PRCP: variants seen among roughly 807,000 people sequenced by gnomAD.
PRCP encodes lysosomal Pro-X carboxypeptidase.
In PRCP, 46 loss-of-function variants were observed where a neutral mutation model predicts 54.2. The observed-to-expected ratio is 0.85, with a 90% CI of 0.67 to 1.09. The LOEUF (loss-of-function observed/expected upper bound fraction) is 1.09. PRCP is among the 50% of genes least tolerant of loss of function. The pLI is 0.00. For missense variants in PRCP, 613 were observed against 596.8 expected (o/e 1.03, Z -0.28); for synonymous variants, 240 against 212.2 (o/e 1.13, Z -1.14).
At chr11:82,872,509 C>T (rs1159511552) in intron 1 of PRCP, among the ~76,000 whole-genome samples, 2 of 152,118 alleles carry the variant, frequency 1.3e-5, no homozygotes, top group African/African-American at 2.4e-5. Context: ...CATGTTAAGA[C>T]ACAGATGCAC....
chr11:82,855,337 G>T (rs1859058913), intron 2 of PRCP, among the ~76,000 whole-genome samples: 1 of 152,134 alleles, frequency 6.6e-6, no homozygotes, highest in African/African-American at 2.4e-5. Flanking sequence ...ACAAGAAAAG[G>T]GCCGGGCATG....
chr11:82,875,492 G>A (rs1237517397), intron 1 of PRCP, among the ~76,000 whole-genome samples: 1 of 152,194 alleles, frequency 6.6e-6, no homozygotes, highest in Non-Finnish European at 1.5e-5. Flanking sequence ...ACCTTGAAAG[G>A]TAGAAAAGCT....
intron 3 of PRCP, among the ~76,000 whole-genome samples, chr11:82,851,820 A>G (rs1242819132): frequency 7.9e-5 from 12 of 151,794 alleles, no homozygotes; most frequent in Admixed American, 7.9e-4. Flanking sequence ...CCTATCTCCT[A>G]TATATGCCAC....
At chr11:82,876,531 A>G (rs1859605833) in intron 1 of PRCP, among the ~76,000 whole-genome samples, 1 of 152,176 alleles carries the variant, frequency 6.6e-6, no homozygotes, top group South Asian at 2.1e-4. Context: ...GTGTTGTGGG[A>G]GAGACCGGGG....
intron 6 of PRCP, among the ~76,000 whole-genome samples, chr11:82,847,175 A>C (rs147860265): frequency 6.6e-6 from 1 of 152,358 alleles, no homozygotes; most frequent in African/African-American, 2.4e-5. Context: ...TTATCATCTG[A>C]CAACTCATTC....
rs150010080 is a variant in PRCP, at chr11:82,869,617, C to A, written c.169-9500G>T. Reference sequence around the variant, plus strand: ...GGACTTTTTTCTGTTTTGTCCACTTCTGAGTACACAGTGACTGGAATAAGG... The same window carrying A: ...GGACTTTTTTCTGTTTTGTCCACTTATGAGTACACAGTGACTGGAATAAGG... On this transcript the variant is annotated intron_variant, in intron 1 of 8. Transcript: ENST00000313010. Among the ~76,000 whole-genome samples the A allele has an allele frequency of 7.6e-4, 116 of 152,264 alleles. 1 individual carries two copies. Among genetic ancestry groups the A allele is most frequent in the African/African-American group, 2.7e-3 (112 of 41,550 alleles).
rs200363491 is a variant in PRCP, at chr11:82,862,090, C to CA, written c.169-1974dup. On this transcript the variant is annotated intron_variant, in intron 1 of 8. Coordinates refer to ENST00000313010, the MANE Select transcript of PRCP (RefSeq NM_005040.4). The stretch of plus-strand genomic sequence containing the variant: ...TATTACAAAATCAAAAAAAAAAATC[C>CA]AAAAAAAAATCCAAAATCTGAAATG... Among the ~76,000 whole-genome samples the CA allele has an allele frequency of 1.8e-3, 265 of 149,386 alleles. 3 individuals carry two copies. Among genetic ancestry groups the CA allele is most frequent in the Middle Eastern group, 6.8e-3 (2 of 292 alleles).
In PRCP at chr11:82,900,333, G is replaced by C. The variant is rs1860242182; in HGVS notation, c.70C>G (p.Pro24Ala). Residue 24 changes from proline (P) to alanine (A), a missense_variant, in exon 1 of 9, where the codon CCG becomes GCG. Transcript: ENST00000313010. ...LAPWATIALRPALRALGSLHL... is the reference protein window; with the variant it reads ...LAPWATIALRAALRALGSLHL... ...AGGCTGCCGAGGGCCCTTAAGGCCG[G>C]CCGGAGGGCTATGGTGGCCCAGGGC... The C allele has an allele frequency of 3.1e-6, 5 of 1,614,178 alleles. No individual in the cohort carries two copies. Among genetic ancestry groups the C allele is most frequent in the Non-Finnish European group, 4.2e-6 (5 of 1,180,010 alleles).
At chr11:82,835,519 A>G in intron 8 of PRCP, 1 of 259,564 alleles carries the variant, frequency 3.9e-6, no homozygotes, top group East Asian at 1.2e-4. Context: ...ACGTCCGGGG[A>G]TGAGACAGTT....
intron 1 of PRCP, among the ~76,000 whole-genome samples, chr11:82,876,273 A>G (rs1019169514): frequency 7.9e-5 from 12 of 152,162 alleles, no homozygotes; most frequent in Non-Finnish European, 1.8e-4. Flanking sequence ...TATAAAAGGG[A>G]AAACTAACTT....
At chr11:82,831,516 C>T (rs1858380718) in intron 8 of PRCP, 1 of 152,096 alleles carries the variant, frequency 6.6e-6, no homozygotes, top group African/African-American at 2.4e-5. Flanking sequence ...TTGCCCAAGG[C>T]CACGCAGCTA....
chr11:82,864,737 A>T (rs1048931737), intron 1 of PRCP, among the ~76,000 whole-genome samples: 2 of 151,864 alleles, frequency 1.3e-5, no homozygotes, highest in African/African-American at 4.8e-5. Flanking sequence ...CTTTTTTATA[A>T]TTTTTTTTAT....
At chr11:82,878,103 G>A (rs372080767) in intron 1 of PRCP, among the ~76,000 whole-genome samples, 2 of 152,298 alleles carry the variant, frequency 1.3e-5, no homozygotes, top group East Asian at 3.9e-4. Flanking sequence ...TTTCGGACTT[G>A]CATGGGGCCT....
chr11:82,856,507 C>T (rs1405575784), intron 2 of PRCP, among the ~76,000 whole-genome samples: 2 of 152,092 alleles, frequency 1.3e-5, no homozygotes, highest in African/African-American at 4.8e-5. Context: ...ATAGACACTG[C>T]ATGACTACTA....
intron 6 of PRCP, among the ~76,000 whole-genome samples, chr11:82,844,747 A>AAAAG (rs60498077): frequency 0.025 from 3,449 of 135,754 alleles, 176 homozygotes; most frequent in African/African-American, 0.087. Flanking sequence ...AAAAAAAAAA[A>AAAAG]AAAGAAAGAA....
chr11:82,856,123 T>G (rs928306153), intron 2 of PRCP, among the ~76,000 whole-genome samples: 3 of 152,112 alleles, frequency 2.0e-5, no homozygotes, highest in African/African-American at 4.8e-5. Flanking sequence ...CTGGGCAACA[T>G]AGTGAAACCC....
intron 6 of PRCP, chr11:82,843,165 C>A (rs897170582): frequency 6.6e-6 from 1 of 152,098 alleles, no homozygotes; most frequent in African/African-American, 2.4e-5. Flanking sequence ...AAAACTTAAC[C>A]AGGTGTGATG....
chr11:82,897,549 G>A (rs1309821256), intron 1 of PRCP, among the ~76,000 whole-genome samples: 1 of 152,228 alleles, frequency 6.6e-6, no homozygotes, highest in Non-Finnish European at 1.5e-5. Context: ...AGACATTTCT[G>A]CTGGAATAGA....
chr11:82,849,241 G>T, intron 5 of PRCP, 23 bp from the exon 6 acceptor site: 1 of 1,610,816 alleles, frequency 6.2e-7, no homozygotes, highest in Non-Finnish European at 8.5e-7. Flanking sequence ...TCACACTGTT[G>T]GAATCTAAAA....
Sources: gnomAD v4.1 joint callset for allele counts (sites outside exome capture counted in the v4.1 genomes callset) on GRCh38, gnomAD v4.1.1 for gene constraint, MANE v1.5 for transcripts, NCBI Gene and HGNC (gene_info 2026-07-23, HGNC 2026-07-21) for gene names.